Variants in RIPOR3 observed in about 807,000 individuals in gnomAD.
The protein encoded by RIPOR3 is RIPOR family member 3.
A neutral mutation model predicts 114.3 loss-of-function variants in RIPOR3; 95 were observed. The observed-to-expected ratio is 0.83, with a 90% CI of 0.70 to 0.99. RIPOR3 has a LOEUF of 0.99. Among genes scored for constraint, RIPOR3 ranks in the 50% least tolerant of loss-of-function variants. The probability of loss-of-function intolerance (pLI) is 0.00; values close to 1 mark genes in which losing one functional copy is unlikely to be tolerated. For missense variants in RIPOR3, 1,252 were observed against 1,266.9 expected (o/e 0.99, Z 0.18); for synonymous variants, 575 against 543.8 (o/e 1.06, Z -0.80).
chr20:50,588,939 G>A lies in RIPOR3; in HGVS notation c.2661+747C>T, dbSNP rs557185789. Among the ~76,000 whole-genome samples the A allele has an allele frequency of 7.3e-5, 11 of 151,514 alleles. No homozygotes were observed. The South Asian group carries it at 1.3e-3, about 17-fold the overall frequency. On this transcript the variant is annotated intron_variant, in intron 20 of 21. Coordinates refer to ENST00000327979, the MANE Select transcript of RIPOR3 (RefSeq NM_001290268.2). ...TACTAAAAATACAAAAAAATTAGCCGGGCGTGGTGGTGGGCGCCTGTAGTC... is the reference window on the plus strand; with the variant it reads ...TACTAAAAATACAAAAAAATTAGCCAGGCGTGGTGGTGGGCGCCTGTAGTC...
At chr20:50,605,560 G>A (rs578195157) in intron 11 of RIPOR3, among the ~76,000 whole-genome samples, 1 of 152,254 alleles carries the variant, frequency 6.6e-6, no homozygotes, top group East Asian at 1.9e-4. Flanking sequence ...CTTGAGCTCA[G>A]GAGTTCGAGA....
chr20:50,595,898 TATAA>T (rs1341269533), intron 15 of RIPOR3, among the ~76,000 whole-genome samples: 2 of 152,204 alleles, frequency 1.3e-5, no homozygotes, highest in Non-Finnish European at 2.9e-5. Context: ...TTCTGGCACC[TATAA>T]ATGAGAGTCA....
At chr20:50,638,200 G>T (rs149762110) in intron 1 of RIPOR3, among the ~76,000 whole-genome samples, 2,021 of 152,350 alleles carry the variant, frequency 0.013, 17 homozygotes, top group Non-Finnish European at 0.023. Flanking sequence ...CGGCCTGACG[G>T]ATAGACACAC....
intron 13 of RIPOR3, among the ~76,000 whole-genome samples, chr20:50,600,274 G>A (rs1352014283): frequency 2.6e-5 from 4 of 151,964 alleles, no homozygotes; most frequent in Admixed American, 6.6e-5. Flanking sequence ...CAAAAACCAC[G>A]GTCTGTAATC....
At chr20:50,659,180 G>T (rs991545408) in intron 1 of RIPOR3, among the ~76,000 whole-genome samples, 2 of 152,136 alleles carry the variant, frequency 1.3e-5, no homozygotes, top group Non-Finnish European at 2.9e-5. Context: ...CCACCCTGCC[G>T]CTGGTTAACA....
intron 1 of RIPOR3, among the ~76,000 whole-genome samples, chr20:50,637,549 G>A (rs1421641829): frequency 6.6e-6 from 1 of 151,962 alleles, no homozygotes; most frequent in Non-Finnish European, 1.5e-5. Context: ...GGAGCAGGGG[G>A]TTTTTCTGTC....
intron 13 of RIPOR3, among the ~76,000 whole-genome samples, 177 bp from the exon 14 acceptor site, chr20:50,597,887 A>AC (rs777968007): frequency 4.9e-4 from 74 of 152,006 alleles, no homozygotes; most frequent in Non-Finnish European, 9.3e-4. Context: ...TGGGCGTGTC[A>AC]CCCCCCAAAG....
Position 50,594,733 on chromosome 20 carries a change from A to G in RIPOR3, c.2051-19T>C. On this transcript the variant is annotated intron_variant, in intron 16 of 21. Coordinates refer to ENST00000327979, the MANE Select transcript of RIPOR3 (RefSeq NM_001290268.2). Reference sequence around the variant, plus strand: ...GGGATGACTGAAAGCCCCAGTTCAGAAACCTGAATGGTGACTCGGGGAGAG... The same window carrying G: ...GGGATGACTGAAAGCCCCAGTTCAGGAACCTGAATGGTGACTCGGGGAGAG... 6.2e-7 allele frequency: 1 copy of G among 1,601,354 alleles called. No homozygotes were observed. Among genetic ancestry groups the G allele is most frequent in the Non-Finnish European group, 8.5e-7 (1 of 1,170,726 alleles).
chr20:50,636,729 G>C (rs41307185), intron 1 of RIPOR3: 35,242 of 985,554 alleles, frequency 0.036, 725 homozygotes, highest in Non-Finnish European at 0.04. Flanking sequence ...ACTGTCCTGG[G>C]CCTCCGTCCC....
rs971010190 is a variant in RIPOR3 at position 50,670,576 on chromosome 20, C to T, written c.3+20550G>A. On this transcript the variant is annotated intron_variant, in intron 1 of 21. Coordinates refer to ENST00000327979, the MANE Select transcript of RIPOR3 (RefSeq NM_001290268.2). ...AAAAGACATGTTCTCTGCAGACCCA[C>T]ATGGCAGGTGAGTAAATGTACAGCA... Among the ~76,000 whole-genome samples, 3 of 152,216 alleles carry T rather than the reference C, an allele frequency of 2.0e-5. No homozygotes were observed. In the South Asian group the frequency reaches 6.2e-4, roughly 32 times the overall value.
At chr20:50,654,485 C>A (rs890539536) in intron 1 of RIPOR3, among the ~76,000 whole-genome samples, 1 of 120,798 alleles carries the variant, frequency 8.3e-6, no homozygotes, top group Non-Finnish European at 1.6e-5. Context: ...GGCTGGAGTG[C>A]AGTGGCGCAA....
intron 6 of RIPOR3, among the ~76,000 whole-genome samples, chr20:50,610,434 C>T (rs1465342429): frequency 6.6e-6 from 1 of 152,174 alleles, no homozygotes. Flanking sequence ...AAAGCAAGAT[C>T]ATGAAACCGT....
chr20:50,630,811 T>A lies in RIPOR3; in HGVS notation c.49A>T (p.Thr17Ser). Residue 17 changes from threonine to serine, a missense_variant, in exon 2 of 22, where the codon ACA becomes TCA. Transcript: ENST00000327979. The part of the protein sequence containing the change: ...VRLRFLSPGD[T>S]GAVGVVGRSA... ...CGGCCCACGACCCCCACGGCCCCTG[T>A]GTCCCCAGGGGACAGGAACCGCAAC... 1 of 1,611,618 alleles carries A rather than the reference T, an allele frequency of 6.2e-7. No individual in the cohort carries two copies. Among genetic ancestry groups the A allele is most frequent in the Non-Finnish European group, 8.5e-7 (1 of 1,179,310 alleles).
At chr20:50,609,382 C>T in intron 7 of RIPOR3, 26 bp from the exon 8 acceptor site, 6 of 1,609,680 alleles carry the variant, frequency 3.7e-6, no homozygotes, top group Non-Finnish European at 5.1e-6. Context: ...GGTGGCTCAG[C>T]TGGCTGCCTG....
chr20:50,677,216 C>T (rs926689593), intron 1 of RIPOR3, among the ~76,000 whole-genome samples: 7 of 152,092 alleles, frequency 4.6e-5, no homozygotes, highest in African/African-American at 1.7e-4. Flanking sequence ...GCCTGTGGCC[C>T]AGACATTCCC....
chr20:50,593,703 G>C (rs987167898), intron 17 of RIPOR3, among the ~76,000 whole-genome samples: 6 of 152,042 alleles, frequency 3.9e-5, no homozygotes, highest in Non-Finnish European at 7.4e-5. Context: ...GACCGTGTTG[G>C]GTTCATCCCC....
chr20:50,665,688 G>A (rs1472790188), intron 1 of RIPOR3, among the ~76,000 whole-genome samples: 1 of 151,980 alleles, frequency 6.6e-6, no homozygotes, highest in Admixed American at 6.6e-5. Flanking sequence ...CCAAAGTGCT[G>A]GGACTACAGG....
rs754694562 is a variant in RIPOR3, at chr20:50,597,562, G to A, written c.1790+18C>T. ...GAGTGGTGGCCACTGGGTCACTGCT[G>A]GAAGGAGGTGCACTCACCGGAGACC... is the stretch of plus-strand genomic sequence containing the variant. On this transcript the variant is annotated intron_variant, in intron 14 of 21. Transcript: ENST00000327979. 14 of 1,595,006 alleles carry A rather than the reference G, an allele frequency of 8.8e-6. No homozygotes were observed. The East Asian group carries it at 9.1e-5, about 10-fold the overall frequency.
chr20:50,647,604 T>C (rs1285428415), intron 1 of RIPOR3, among the ~76,000 whole-genome samples: 5 of 144,856 alleles, frequency 3.5e-5, no homozygotes, highest in African/African-American at 1.0e-4. Flanking sequence ...TGCCTCAGCC[T>C]CCCAAGTAGC....
Sources: gnomAD v4.1 joint callset for allele counts (sites outside exome capture counted in the v4.1 genomes callset) on GRCh38, gnomAD v4.1.1 for gene constraint, MANE v1.5 for transcripts, NCBI Gene and HGNC (gene_info 2026-07-23, HGNC 2026-07-21) for gene names.